Variants in ASTN2 observed in about 807,000 individuals in gnomAD.
ASTN2 encodes the protein astrotactin-2.
A neutral mutation model predicts 139.8 loss-of-function variants in ASTN2; 54 were observed. The observed-to-expected ratio is 0.39, with a 90% CI of 0.31 to 0.48. ASTN2 has a LOEUF of 0.48. ASTN2 is among the 20% of genes least tolerant of loss of function. The probability of loss-of-function intolerance (pLI) is 0.95; values close to 1 mark genes in which losing one functional copy is unlikely to be tolerated. For missense variants in ASTN2, 1,565 were observed against 1,725.1 expected (o/e 0.91, Z 1.64); for synonymous variants, 756 against 719.5 (o/e 1.05, Z -0.81).
At chr9:117,336,476 G>A (rs1385035662) in intron 1 of ASTN2, among the ~76,000 whole-genome samples, 3 of 152,148 alleles carry the variant, frequency 2.0e-5, no homozygotes, top group African/African-American at 7.2e-5. Context: ...GGGACAAAGA[G>A]GGAGATCTCT....
intron 2 of ASTN2, among the ~76,000 whole-genome samples, chr9:117,261,561 C>T (rs1170947135): frequency 6.6e-6 from 1 of 152,088 alleles, no homozygotes; most frequent in Non-Finnish European, 1.5e-5. Context: ...AAGTCTGAAA[C>T]AAAAGAATGT....
chr9:117,023,812 G>A (rs1837967137), intron 6 of ASTN2, among the ~76,000 whole-genome samples: 1 of 152,142 alleles, frequency 6.6e-6, no homozygotes, highest in Admixed American at 6.6e-5. Context: ...ATATGGATTT[G>A]CATTCTAGTG....
At chr9:117,368,994 A>C (rs1829922454) in intron 1 of ASTN2, among the ~76,000 whole-genome samples, 2 of 152,152 alleles carry the variant, frequency 1.3e-5, no homozygotes, top group South Asian at 4.1e-4. Context: ...ACTTAAGGGA[A>C]ACTAAAGTGT....
chr9:117,019,364 A>C (rs1423270886), intron 6 of ASTN2, among the ~76,000 whole-genome samples: 3 of 152,132 alleles, frequency 2.0e-5, no homozygotes, highest in Non-Finnish European at 4.4e-5. Context: ...AAAGGACTAC[A>C]TGGGGCCAAG....
chr9:116,443,895 TA>T (rs1345249184), intron 20 of ASTN2, among the ~76,000 whole-genome samples: 1 of 152,142 alleles, frequency 6.6e-6, no homozygotes, highest in Non-Finnish European at 1.5e-5. Context: ...TCCCATGTTA[TA>T]AAATACGAAA....
intron 10 of ASTN2, among the ~76,000 whole-genome samples, chr9:116,882,977 T>C (rs1417731573): frequency 6.6e-6 from 1 of 152,180 alleles, no homozygotes; most frequent in Admixed American, 6.5e-5. Flanking sequence ...TGGAAAGCAA[T>C]CTGGCAAAAT....
At chr9:117,250,153 C>T (rs1833498591) in intron 2 of ASTN2, among the ~76,000 whole-genome samples, 1 of 152,180 alleles carries the variant, frequency 6.6e-6, no homozygotes, top group Admixed American at 6.6e-5. Flanking sequence ...CACACCCACA[C>T]CCATAGTCTT....
intron 22 of ASTN2, among the ~76,000 whole-genome samples, chr9:116,431,244 A>T (rs1307069224): frequency 6.6e-6 from 1 of 152,152 alleles, no homozygotes; most frequent in Non-Finnish European, 1.5e-5. Flanking sequence ...TGAAATGGAG[A>T]AAAATAAGAC....
chr9:116,698,216 A>G lies in ASTN2; in HGVS notation c.2806+27555T>C, dbSNP rs955416816. 2 of 1,613,974 alleles carry G rather than the reference A, an allele frequency of 1.2e-6. No homozygotes were observed. Among genetic ancestry groups the G allele is most frequent in the African/African-American group, 2.7e-5 (2 of 74,910 alleles). On this transcript the variant is annotated intron_variant, in intron 16 of 22. Coordinates refer to ENST00000313400, the MANE Select transcript of ASTN2 (RefSeq NM_001365068.1). This position sits in a 1 kb window ranked among gnomAD's most constrained non-coding sequence, Gnocchi z 4.4. ...GAGAGAAGTTAACTCGTCTGCGGGAACTTATGGGGGAGCTGCAGCGGCGGA... is the reference window on the plus strand; with the variant it reads ...GAGAGAAGTTAACTCGTCTGCGGGAGCTTATGGGGGAGCTGCAGCGGCGGA...
intron 11 of ASTN2, among the ~76,000 whole-genome samples, chr9:116,829,940 C>A (rs1042700420): frequency 2.6e-5 from 4 of 152,138 alleles, no homozygotes; most frequent in Non-Finnish European, 5.9e-5. Context: ...CTAGAAAACA[C>A]CATTTTGGAC....
intron 2 of ASTN2, among the ~76,000 whole-genome samples, chr9:117,229,144 C>T (rs540509191): frequency 9.2e-5 from 14 of 152,172 alleles, no homozygotes; most frequent in Admixed American, 3.9e-4. Context: ...TAATTTCCAC[C>T]CCTGCTGGCA....
chr9:116,841,888 A>G (rs1369393110), intron 11 of ASTN2, among the ~76,000 whole-genome samples: 1 of 152,214 alleles, frequency 6.6e-6, no homozygotes, highest in East Asian at 1.9e-4. Flanking sequence ...ATATACAGGG[A>G]AATGGTTAGG....
chr9:116,459,674 G>A (rs1489855263), intron 20 of ASTN2, among the ~76,000 whole-genome samples: 3 of 151,980 alleles, frequency 2.0e-5, no homozygotes, highest in African/African-American at 4.8e-5. Context: ...ATGTTATTAG[G>A]AGAATGCAAA....
At chr9:116,803,499 TATATATATATATATATATATATA>T (rs1275162435) in intron 13 of ASTN2, among the ~76,000 whole-genome samples, 150 of 5,834 alleles carry the variant, frequency 0.026, 5 homozygotes, top group East Asian at 0.2. Flanking sequence ...TATATATATA[TATATATATATATATATATATATA>T]TTTTTTTTTT....
intron 1 of ASTN2, among the ~76,000 whole-genome samples, chr9:117,298,657 T>A (rs1834793751): frequency 1.1e-5 from 1 of 93,058 alleles, no homozygotes; most frequent in African/African-American, 3.7e-5. Flanking sequence ...TTGGTGTGTG[T>A]ATATATATAT....
intron 12 of ASTN2, among the ~76,000 whole-genome samples, chr9:116,809,108 A>G (rs1303408320): frequency 6.6e-6 from 1 of 151,640 alleles, no homozygotes; most frequent in Non-Finnish European, 1.5e-5. Context: ...CTTGCTTTTG[A>G]TATCTTATTA....
chr9:116,476,862 C>T (rs1454928939), intron 20 of ASTN2, among the ~76,000 whole-genome samples: 1 of 152,212 alleles, frequency 6.6e-6, no homozygotes, highest in African/African-American at 2.4e-5. Flanking sequence ...AAACCATGGT[C>T]AGGGTTGTCA....
intron 22 of ASTN2, among the ~76,000 whole-genome samples, chr9:116,427,839 C>A (rs10817887): frequency 3.9e-5 from 6 of 152,192 alleles, no homozygotes; most frequent in Non-Finnish European, 5.9e-5. Context: ...AAGTGCCCCC[C>A]CCAAGAGGAG....
At chr9:116,966,979 A>C (rs1183764143) in intron 10 of ASTN2, among the ~76,000 whole-genome samples, 1 of 152,212 alleles carries the variant, frequency 6.6e-6, no homozygotes, top group Non-Finnish European at 1.5e-5. Context: ...CCTGAGTTGA[A>C]ATCCTGATTC....
Sources: allele counts gnomAD v4.1 joint callset (sites outside exome capture counted in the v4.1 genomes callset), GRCh38; gene constraint gnomAD v4.1.1; non-coding constraint Gnocchi (gnomAD v3.1); transcripts MANE v1.5; gene names NCBI Gene and HGNC (gene_info 2026-07-23, HGNC 2026-07-21).